Variants in SGCG observed in about 807,000 individuals in gnomAD.
SGCG encodes sarcoglycan gamma.
A neutral mutation model predicts 29.3 loss-of-function variants in SGCG; 26 were observed. That is an observed-to-expected ratio of 0.89 (90% CI 0.65 to 1.23). SGCG has a LOEUF of 1.23. SGCG is among the 50% of genes most tolerant of loss of function. The pLI is 0.00. For synonymous variants in SGCG, 145 were observed against 129.7 expected (o/e 1.12, Z -0.80); for missense variants, 353 against 356.0 (o/e 0.99, Z 0.07).
At chr13:23,194,221 G>C (rs1877395249) in intron 1 of SGCG, among the ~76,000 whole-genome samples, 1 of 152,094 alleles carries the variant, frequency 6.6e-6, no homozygotes, top group Non-Finnish European at 1.5e-5. Flanking sequence ...TGGTGCAGAA[G>C]GAAAATAGGT....
chr13:23,309,159 A>AT (rs200800147), intron 6 of SGCG, among the ~76,000 whole-genome samples: 2,252 of 151,864 alleles, frequency 0.015, 34 homozygotes, highest in Middle Eastern at 0.031. Flanking sequence ...ATTATTATTG[A>AT]TTTTTTCATG....
At chr13:23,184,120 G>A (rs1401882494) in intron 1 of SGCG, among the ~76,000 whole-genome samples, 3 of 152,244 alleles carry the variant, frequency 2.0e-5, no homozygotes, top group Non-Finnish European at 2.9e-5. Flanking sequence ...TAATAAGGAA[G>A]TGAATAAATG....
intron 3 of SGCG, among the ~76,000 whole-genome samples, chr13:23,250,377 T>C (rs1164351895): frequency 8.2e-6 from 1 of 121,918 alleles, no homozygotes; most frequent in African/African-American, 2.8e-5. Context: ...TAATTCATAT[T>C]TTTTTCTATC....
intron 1 of SGCG, among the ~76,000 whole-genome samples, chr13:23,203,015 A>G (rs1877824451): frequency 1.3e-5 from 2 of 151,844 alleles, no homozygotes; most frequent in African/African-American, 4.8e-5. Context: ...ACTGGAGTGC[A>G]GTGGCGCGAT....
At chr13:23,280,943 A>C (rs1351130306) in intron 5 of SGCG, among the ~76,000 whole-genome samples, 1 of 152,218 alleles carries the variant, frequency 6.6e-6, no homozygotes, top group Non-Finnish European at 1.5e-5. Flanking sequence ...CCGGGCCATG[A>C]CATCAATTAG....
chr13:23,315,584 C>G (rs919208141), intron 6 of SGCG, among the ~76,000 whole-genome samples: 1 of 152,192 alleles, frequency 6.6e-6, no homozygotes, highest in Non-Finnish European at 1.5e-5. Flanking sequence ...CAAAAGTGGA[C>G]AGCTGCAGCA....
chr13:23,199,789 A>G (rs1253974254), intron 1 of SGCG, among the ~76,000 whole-genome samples: 1 of 152,210 alleles, frequency 6.6e-6, no homozygotes, highest in Non-Finnish European at 1.5e-5. Flanking sequence ...TGGGAGGACT[A>G]GAAAGCAGGT....
intron 6 of SGCG, among the ~76,000 whole-genome samples, chr13:23,307,566 A>G (rs576208235): frequency 6.6e-6 from 1 of 152,292 alleles, no homozygotes; most frequent in East Asian, 1.9e-4. Flanking sequence ...CCTGTTATGC[A>G]TCTTTTAGGA....
chr13:23,216,434 G>A (rs1566003023), intron 2 of SGCG, among the ~76,000 whole-genome samples: 1 of 152,042 alleles, frequency 6.6e-6, no homozygotes, highest in Non-Finnish European at 1.5e-5. Context: ...GACCAAGAAG[G>A]AATGACACAA....
chr13:23,278,755 G>T (rs984954857), intron 4 of SGCG, among the ~76,000 whole-genome samples: 1 of 152,146 alleles, frequency 6.6e-6, no homozygotes, highest in Non-Finnish European at 1.5e-5. Context: ...TCAGGTGAAG[G>T]GCATAACCTT....
At chr13:23,194,988 C>T (rs1391904541) in intron 1 of SGCG, among the ~76,000 whole-genome samples, 1 of 152,220 alleles carries the variant, frequency 6.6e-6, no homozygotes, top group Non-Finnish European at 1.5e-5. Context: ...TCTTTGTTAA[C>T]ATTAACTCAG....
Position 23,234,709 on chromosome 13 carries a change from A to G in SGCG, c.294A>G (p.Arg98=), listed in dbSNP as rs769234531. The G allele has an allele frequency of 6.4e-7, 1 of 1,566,372 alleles. No homozygotes were observed. The highest frequency in any genetic ancestry group is 1.1e-5 in the South Asian group (1 of 89,976). Residue 98 remains arginine (R), a synonymous_variant, in exon 3 of 8, where the codon AGA becomes AGG. Coordinates refer to ENST00000218867, the MANE Select transcript of SGCG (RefSeq NM_000231.3). ...TGTATGCCAAAGAAATACACTCCAG[A>G]GTGGTAAGAAAATGTTAAGACAAAT... is the stretch of plus-strand genomic sequence containing the variant. The part of the protein sequence containing the change: ...FPLYAKEIHS[R]VDSSLLLQST...
intron 4 of SGCG, among the ~76,000 whole-genome samples, chr13:23,252,162 C>A (rs564541583): frequency 2.6e-4 from 40 of 152,170 alleles, no homozygotes; most frequent in South Asian, 2.3e-3. Flanking sequence ...ATTATATTTT[C>A]TTGATAAATT....
intron 3 of SGCG, among the ~76,000 whole-genome samples, chr13:23,242,525 C>T (rs769645497): frequency 1.7e-4 from 26 of 152,178 alleles, no homozygotes; most frequent in Non-Finnish European, 3.2e-4. Context: ...CTTTCACCTA[C>T]TCCCTAAGGT....
chr13:23,292,477 T>C (rs1212513449), intron 5 of SGCG, among the ~76,000 whole-genome samples: 1 of 152,232 alleles, frequency 6.6e-6, no homozygotes, highest in Non-Finnish European at 1.5e-5. Flanking sequence ...CAAATTGCAA[T>C]TCTGTGATTG....
the SGCG span, among the ~76,000 whole-genome samples, chr13:23,167,988 C>T: frequency 2.6e-5 from 4 of 152,126 alleles, no homozygotes; most frequent in African/African-American, 7.2e-5. Context: ...CCGTGTGCCT[C>T]GATCTCCCAA....
chr13:23,310,377 C>G (rs562466380), intron 6 of SGCG, among the ~76,000 whole-genome samples: 1 of 152,110 alleles, frequency 6.6e-6, no homozygotes, highest in Non-Finnish European at 1.5e-5. Flanking sequence ...TGAGCCACCG[C>G]GCCGGGCCTG....
intron 3 of SGCG, among the ~76,000 whole-genome samples, chr13:23,236,482 C>T (rs893087043): frequency 2.0e-5 from 3 of 152,030 alleles, no homozygotes; most frequent in African/African-American, 7.2e-5. Context: ...TCAAGACCAT[C>T]CTGGCTAACA....
chr13:23,177,949 G>A (rs1362033648), upstream of SGCG, among the ~76,000 whole-genome samples: 2 of 152,042 alleles, frequency 1.3e-5, no homozygotes, highest in Admixed American at 6.6e-5. Context: ...CCTAGTCAAA[G>A]ATAGCCAGGC....
Sources: allele counts gnomAD v4.1 joint callset (sites outside exome capture counted in the v4.1 genomes callset), GRCh38; gene constraint gnomAD v4.1.1; transcripts MANE v1.5; gene names NCBI Gene and HGNC (gene_info 2026-07-23, HGNC 2026-07-21).